The following LRP1B variants were observed in gnomAD, a reference collection of about 807,000 sequenced individuals.
LRP1B encodes LDL receptor related protein 1B, also known as low-density lipoprotein receptor-related protein 1B.
In LRP1B, 217 loss-of-function variants were observed where a neutral mutation model predicts 556.6. That is an observed-to-expected ratio of 0.39 (90% CI 0.35 to 0.44). LRP1B has a LOEUF of 0.44. Ranked by LOEUF, LRP1B falls within the 20% of genes least tolerant of loss-of-function variation. The pLI is 1.00. For missense variants in LRP1B, 5,053 were observed against 5,620.8 expected (o/e 0.90, Z 3.23); for synonymous variants, 2,047 against 1,865.8 (o/e 1.10, Z -2.50).
intron 2 of LRP1B, among the ~76,000 whole-genome samples, chr2:141,717,074 G>T (rs1184268073): frequency 6.6e-6 from 1 of 152,046 alleles, no homozygotes; most frequent in East Asian, 1.9e-4. Context: ...TGCTTGACCT[G>T]ATTTGATTCC....
At chr2:140,423,413 G>A (rs116254066) in intron 66 of LRP1B, among the ~76,000 whole-genome samples, 3,702 of 152,110 alleles carry the variant, frequency 0.024, 54 homozygotes, top group African/African-American at 0.042. Flanking sequence ...AAATCACAGT[G>A]TTAATAAACT....
chr2:141,489,157 TG>T (rs1190660616), intron 2 of LRP1B, among the ~76,000 whole-genome samples: 1 of 99,380 alleles, frequency 1.0e-5, no homozygotes, highest in East Asian at 2.8e-4. Flanking sequence ...GGGGACTGGG[TG>T]GGGGGCAGAT....
intron 83 of LRP1B, among the ~76,000 whole-genome samples, chr2:140,300,433 T>A (rs1683772696): frequency 6.6e-6 from 1 of 152,148 alleles, no homozygotes; most frequent in Non-Finnish European, 1.5e-5. Flanking sequence ...TAGCAGAATT[T>A]GATTTTAATA....
At chr2:140,758,274 A>G (rs1688804677) in intron 35 of LRP1B, among the ~76,000 whole-genome samples, 1 of 132,846 alleles carries the variant, frequency 7.5e-6, no homozygotes, top group African/African-American at 2.9e-5. Context: ...GAGAGCGTTC[A>G]TGTTAGAATG....
At chr2:140,295,503 T>G (rs1683562931) in intron 84 of LRP1B, among the ~76,000 whole-genome samples, 1 of 152,214 alleles carries the variant, frequency 6.6e-6, no homozygotes. Flanking sequence ...CTGTTTCATG[T>G]AGTTCCTAAA....
At chr2:140,963,080 T>C (rs1314345102) in intron 18 of LRP1B, among the ~76,000 whole-genome samples, 1 of 152,276 alleles carries the variant, frequency 6.6e-6, no homozygotes, top group East Asian at 1.9e-4. Context: ...ACTGACGTAT[T>C]GGTTACATCT....
chr2:141,030,708 C>T (rs1314186018), intron 11 of LRP1B, among the ~76,000 whole-genome samples: 1 of 151,898 alleles, frequency 6.6e-6, no homozygotes, highest in Non-Finnish European at 1.5e-5. Context: ...AATATCATTA[C>T]AATATATTTC....
At chr2:140,623,952 T>TATATATATATATA (rs1683552765) in intron 41 of LRP1B, among the ~76,000 whole-genome samples, 1 of 15,290 alleles carries the variant, frequency 6.5e-5, no homozygotes. Context: ...TATATTTTAT[T>TATATATATATATA]TATGTATATA....
At chr2:141,319,112 T>C (rs2105466338) in intron 3 of LRP1B, among the ~76,000 whole-genome samples, 1 of 152,188 alleles carries the variant, frequency 6.6e-6, no homozygotes, top group South Asian at 2.1e-4. Context: ...AACAGAATGT[T>C]CTTAATTCTA....
At chr2:141,473,829 C>A (rs1682575299) in intron 3 of LRP1B, among the ~76,000 whole-genome samples, 1 of 143,526 alleles carries the variant, frequency 7.0e-6, no homozygotes, top group African/African-American at 2.6e-5. Flanking sequence ...CTATATACCT[C>A]TTCTCCATAC....
At chr2:140,789,732 G>A (rs1379896016) in intron 32 of LRP1B, among the ~76,000 whole-genome samples, 7 of 136,538 alleles carry the variant, frequency 5.1e-5, no homozygotes, top group Admixed American at 4.7e-4. Context: ...CCGGGTTCAC[G>A]CCATTCTCCT....
At chr2:141,913,553 T>C (rs1216552693) in intron 1 of LRP1B, among the ~76,000 whole-genome samples, 1 of 152,098 alleles carries the variant, frequency 6.6e-6, no homozygotes, top group African/African-American at 2.4e-5. Context: ...AACTGGTCCC[T>C]GGAGTTTCTT....
intron 35 of LRP1B, among the ~76,000 whole-genome samples, chr2:140,767,997 C>T (rs1689175568): frequency 6.6e-6 from 1 of 151,802 alleles, no homozygotes; most frequent in African/African-American, 2.4e-5. Flanking sequence ...AGGTAATTAG[C>T]CTTCCACCAA....
In LRP1B at chr2:141,180,302, A is replaced by G. The variant is rs143208794; in HGVS notation, c.1013+8119T>C. 1.2e-3 allele frequency among the ~76,000 whole-genome samples: 181 copies of G among 151,882 alleles called. 1 individual carries two copies. The East Asian group carries it at 0.017, about 15-fold the overall frequency. On this transcript the variant is annotated intron_variant, in intron 7 of 90. Transcript: ENST00000389484. The stretch of plus-strand genomic sequence containing the variant: ...TGTTGTCCATGTACAGTCCTTTCAA[A>G]TACAGGACTACTGGCTCATATCTGC...
chr2:142,069,777 A>G (rs1705244792), intron 1 of LRP1B, among the ~76,000 whole-genome samples: 1 of 151,796 alleles, frequency 6.6e-6, no homozygotes, highest in Non-Finnish European at 1.5e-5. Context: ...AAATAATTCT[A>G]TATGATAAAA....
intron 1 of LRP1B, among the ~76,000 whole-genome samples, chr2:142,031,346 T>C (rs988204514): frequency 7.9e-5 from 10 of 127,020 alleles, no homozygotes; most frequent in Non-Finnish European, 1.7e-5. Flanking sequence ...TTTTTTTTTT[T>C]TTATTATACT....
At chr2:140,636,529 A>C (rs963476689) in intron 41 of LRP1B, among the ~76,000 whole-genome samples, 1 of 152,120 alleles carries the variant, frequency 6.6e-6, no homozygotes, top group African/African-American at 2.4e-5. Flanking sequence ...GTCATGGTGG[A>C]AGGTAGTAAA....
intron 85 of LRP1B, among the ~76,000 whole-genome samples, chr2:140,272,167 C>T (rs1157883696): frequency 6.6e-6 from 1 of 151,508 alleles, no homozygotes; most frequent in Admixed American, 6.6e-5. Context: ...TAGTTAAAAT[C>T]ATTACAATAC....
At position 141,757,560 on chromosome 2, in the gene LRP1B, A is replaced by G. The variant is rs562176254; in HGVS notation, c.205+52719T>C. Reference sequence around the variant, plus strand: ...TTGGTTGAGGAGTAATCAAACTATAACTAATTTTTTTTGAGACAATCTTGC... The same window carrying G: ...TTGGTTGAGGAGTAATCAAACTATAGCTAATTTTTTTTGAGACAATCTTGC... On this transcript the variant is annotated intron_variant, in intron 2 of 90. Coordinates refer to ENST00000389484, the MANE Select transcript of LRP1B (RefSeq NM_018557.3). Among the ~76,000 whole-genome samples, 3 of 151,156 alleles carry G rather than the reference A, an allele frequency of 2.0e-5. No individual in the cohort carries two copies. The South Asian group carries it at 6.2e-4, about 31-fold the overall frequency.
Sources: gnomAD v4.1 joint callset for allele counts (sites outside exome capture counted in the v4.1 genomes callset) on GRCh38, gnomAD v4.1.1 for gene constraint, MANE v1.5 for transcripts, NCBI Gene and HGNC (gene_info 2026-07-23, HGNC 2026-07-21) for gene names.